The following PDE10A variants were observed in gnomAD, a reference collection of about 807,000 sequenced individuals.
The protein encoded by PDE10A is cAMP and cAMP-inhibited cGMP 3',5'-cyclic phosphodiesterase 10A.
In PDE10A, 39 loss-of-function variants were observed where a neutral mutation model predicts 97.7. The observed-to-expected ratio is 0.40, with a 90% CI of 0.31 to 0.52. PDE10A has a LOEUF of 0.52. Ranked by LOEUF, PDE10A falls within the 20% of genes least tolerant of loss-of-function variation. The pLI is 0.56. For missense variants in PDE10A, 731 were observed against 1,047.8 expected (o/e 0.70, Z 4.17); for synonymous variants, 371 against 376.8 (o/e 0.98, Z 0.18).
chr6:165,509,463 C>T (rs1781389399), intron 2 of PDE10A, among the ~76,000 whole-genome samples: 1 of 151,918 alleles, frequency 6.6e-6, no homozygotes, highest in South Asian at 2.1e-4. Flanking sequence ...ATAGCAATAC[C>T]ATGCTGTCTG....
chr6:165,805,866 T>A (rs1194747863), intron 1 of PDE10A, among the ~76,000 whole-genome samples: 1 of 151,434 alleles, frequency 6.6e-6, no homozygotes, highest in East Asian at 2.0e-4. Flanking sequence ...GCCCCGTTCC[T>A]GGGAACCCCA....
At chr6:165,631,071 T>C (rs1271305843) in intron 1 of PDE10A, among the ~76,000 whole-genome samples, 2 of 152,242 alleles carry the variant, frequency 1.3e-5, no homozygotes, top group Non-Finnish European at 2.9e-5. Flanking sequence ...AGCCAGCTAT[T>C]TTCTTTTCAT....
chr6:165,606,360 C>T (rs1787209690), intron 1 of PDE10A, among the ~76,000 whole-genome samples: 2 of 152,064 alleles, frequency 1.3e-5, no homozygotes, highest in Non-Finnish European at 2.9e-5. Context: ...ATTTGTTTTT[C>T]ACTCACTGTC....
At position 165,796,091 on chromosome 6, in the gene PDE10A, C is replaced by CTTTTTTTTT. The variant is rs1168771487; in HGVS notation, c.-615+191429_-615+191437dup. On this transcript the variant is annotated intron_variant, in intron 1 of 19. Coordinates refer to the PDE10A transcript ENST00000366882. ...GCACGTCTTTTCTTTTTTTTCTTTT[C>CTTTTTTTTT]TTTTTTTTTTTTTTTTTTTTTTGAG... is the stretch of plus-strand genomic sequence containing the variant. Among the ~76,000 whole-genome samples the CTTTTTTTTT allele has an allele frequency of 2.2e-4, 24 of 108,814 alleles. 3 individuals carry two copies. Among genetic ancestry groups the CTTTTTTTTT allele is most frequent in the South Asian group, 3.3e-4 (1 of 2,994 alleles). 71.4% of individuals were successfully genotyped at this position (108,814 alleles called of 152,430 possible).
chr6:165,581,864 G>A (rs931143790), intron 1 of PDE10A, among the ~76,000 whole-genome samples: 3 of 152,270 alleles, frequency 2.0e-5, no homozygotes, highest in African/African-American at 4.8e-5. Flanking sequence ...GTTCTGAGAG[G>A]AACATTTGGA....
At chr6:165,733,353 C>T (rs1792487089) in intron 1 of PDE10A, among the ~76,000 whole-genome samples, 2 of 152,216 alleles carry the variant, frequency 1.3e-5, no homozygotes, top group African/African-American at 4.8e-5. Flanking sequence ...AAGCCCCTTC[C>T]TATTTCCTGC....
rs536455072 is a variant in PDE10A, at chr6:165,470,550, C to G, written c.1023+11765G>C. ...ACTTCACCTGATTAAAAATTAAAAGCCAGATTTTCTACTCATTCATAGAAA... is the reference window on the plus strand; with the variant it reads ...ACTTCACCTGATTAAAAATTAAAAGGCAGATTTTCTACTCATTCATAGAAA... On this transcript the variant is annotated intron_variant, in intron 3 of 21. Transcript: ENST00000539869. 2.6e-5 allele frequency among the ~76,000 whole-genome samples: 4 copies of G among 152,248 alleles called. No individual in the cohort carries two copies. In the East Asian group the frequency reaches 7.7e-4, roughly 29 times the overall value.
intron 1 of PDE10A, among the ~76,000 whole-genome samples, chr6:165,657,901 G>C (rs1790046128): frequency 6.6e-6 from 1 of 152,218 alleles, no homozygotes; most frequent in Admixed American, 6.5e-5. Flanking sequence ...GCCGGAAGAA[G>C]TCATGCCTTG....
At chr6:165,335,910 G>A (rs966143693) in intron 21 of PDE10A, among the ~76,000 whole-genome samples, 3 of 152,088 alleles carry the variant, frequency 2.0e-5, no homozygotes, top group African/African-American at 4.8e-5. Context: ...AGCACCCAAG[G>A]TGCCTGAGGC....
At chr6:165,852,758 C>T (rs953960479) in intron 1 of PDE10A, among the ~76,000 whole-genome samples, 1 of 152,202 alleles carries the variant, frequency 6.6e-6, no homozygotes, top group African/African-American at 2.4e-5. Flanking sequence ...CAGCTGCTGA[C>T]TTCCTGGCAA....
intron 6 of PDE10A, among the ~76,000 whole-genome samples, chr6:165,434,731 G>A (rs150168590): frequency 5.3e-5 from 8 of 152,296 alleles, no homozygotes; most frequent in African/African-American, 1.7e-4. Flanking sequence ...CAGGGAAAGC[G>A]ATGGCATAAG....
chr6:165,360,682 C>T (rs902801459), intron 18 of PDE10A, among the ~76,000 whole-genome samples: 2 of 152,212 alleles, frequency 1.3e-5, no homozygotes, highest in South Asian at 2.1e-4. Flanking sequence ...CTCAAATAAC[C>T]GAGTGCTGGA....
chr6:165,923,870 G>T (rs1348358184), intron 1 of PDE10A, among the ~76,000 whole-genome samples: 3 of 152,090 alleles, frequency 2.0e-5, no homozygotes, highest in Admixed American at 1.3e-4. Context: ...CCTTGAAAGT[G>T]ATTTTTACTT....
rs1036996080 is a variant in PDE10A, at chr6:165,711,172, A to G, written c.-614-167604T>C. The stretch of plus-strand genomic sequence containing the variant: ...CGGCTGGCTGGAGAGAACAACAGGG[A>G]TATGACGTTAGCAGTAAGTTCTACT... On this transcript the variant is annotated intron_variant, in intron 1 of 19. Coordinates refer to the PDE10A transcript ENST00000366882. The surrounding 1 kb of genome is among the most constrained non-coding windows in gnomAD (Gnocchi z 4.5). Among the ~76,000 whole-genome samples the G allele has an allele frequency of 1.3e-5, 2 of 152,188 alleles. No individual in the cohort carries two copies. The highest frequency in any genetic ancestry group is 4.8e-5 in the African/African-American group (2 of 41,442).
chr6:165,794,230 C>T (rs574345913), intron 1 of PDE10A, among the ~76,000 whole-genome samples: 17 of 151,078 alleles, frequency 1.1e-4, no homozygotes, highest in African/African-American at 4.1e-4. Flanking sequence ...ATCATACACT[C>T]CCTCCCACAC....
At chr6:165,496,123 A>C (rs117015349) in intron 2 of PDE10A, among the ~76,000 whole-genome samples, 1 of 151,962 alleles carries the variant, frequency 6.6e-6, no homozygotes, top group African/African-American at 2.4e-5. Context: ...ATCCAGGAAG[A>C]AAACTCCAAG....
intron 17 of PDE10A, among the ~76,000 whole-genome samples, chr6:165,380,477 G>T (rs1466321579): frequency 1.3e-5 from 2 of 152,168 alleles, no homozygotes; most frequent in Non-Finnish European, 2.9e-5. Flanking sequence ...AGTCTTAGAA[G>T]TATTTGAATT....
chr6:165,367,262 T>C lies in PDE10A; in HGVS notation c.2783+11932A>G, dbSNP rs575121752. On this transcript the variant is annotated intron_variant, in intron 18 of 21. Transcript: ENST00000539869. The stretch of plus-strand genomic sequence containing the variant: ...ACATATGTGTGTGTGTGTGTGTGTG[T>C]GCGTGCATCTGTGTGTATTTTCTAA... Among the ~76,000 whole-genome samples, 269 of 141,652 alleles carry C rather than the reference T, an allele frequency of 1.9e-3. 1 individual carries two copies. Among genetic ancestry groups the C allele is most frequent in the African/African-American group, 6.2e-3 (233 of 37,290 alleles). The allele number at this position is 141,652 out of a possible 152,430, so 92.9% of individuals were successfully genotyped here. A position where few individuals can be genotyped will look rare whatever the true frequency, so the allele number is the denominator to read the frequency against.
At chr6:165,938,487 T>C (rs1040909055) in intron 1 of PDE10A, among the ~76,000 whole-genome samples, 56 of 152,356 alleles carry the variant, frequency 3.7e-4, no homozygotes, top group African/African-American at 1.3e-3. Flanking sequence ...GGAATGTTAC[T>C]AATCTTGGAT....
Sources: allele counts gnomAD v4.1 joint callset (sites outside exome capture counted in the v4.1 genomes callset), GRCh38; gene constraint gnomAD v4.1.1; non-coding constraint Gnocchi (gnomAD v3.1); transcripts MANE v1.5; gene names NCBI Gene and HGNC (gene_info 2026-07-23, HGNC 2026-07-21).